OR4F3: variants seen among roughly 807,000 people sequenced by gnomAD.
The protein encoded by OR4F3 is olfactory receptor 4F3/4F16/4F29.
the OR4F3 span, among the ~76,000 whole-genome samples, chr5:181,356,777 A>C: frequency 2.2e-5 from 3 of 134,190 alleles, no homozygotes; most frequent in African/African-American, 8.8e-5. Flanking sequence ...TTGCAATTTT[A>C]CATTTGTGTG....
At chr5:181,354,563 G>T in the OR4F3 span, among the ~76,000 whole-genome samples, 2 of 126,988 alleles carry the variant, frequency 1.6e-5, no homozygotes, top group East Asian at 2.0e-4. Flanking sequence ...CCCCACTAGG[G>T]TACTGCCTAG....
At chr5:181,357,404 A>G in the OR4F3 span, among the ~76,000 whole-genome samples, 2 of 127,218 alleles carry the variant, frequency 1.6e-5, 1 homozygote, top group Non-Finnish European at 3.2e-5. Flanking sequence ...AGGCTTCAGA[A>G]TGCTCACTTG....
At chr5:181,361,263 A>T in the OR4F3 span, among the ~76,000 whole-genome samples, 2 of 78,152 alleles carry the variant, frequency 2.6e-5, no homozygotes, top group African/African-American at 1.7e-4. Context: ...GGAACTGTGT[A>T]GTCCCAGTTC....
the OR4F3 span, among the ~76,000 whole-genome samples, chr5:181,357,374 C>T: frequency 7.7e-6 from 1 of 130,180 alleles, no homozygotes; most frequent in African/African-American, 3.4e-5. Flanking sequence ...TAACCGCAAA[C>T]CCCAGAACAT....
At chr5:181,354,420 C>T in the OR4F3 span, among the ~76,000 whole-genome samples, 1 of 130,866 alleles carries the variant, frequency 7.6e-6, no homozygotes, top group South Asian at 2.5e-4. Context: ...GGAACCTCCA[C>T]CTAGATTTCA....
upstream of OR4F3, among the ~76,000 whole-genome samples, chr5:181,363,827 C>T (rs1409350457): frequency 1.1e-5 from 1 of 88,322 alleles, no homozygotes; most frequent in African/African-American, 8.1e-5. Context: ...TTCAAAGAAA[C>T]TCTGTGAGTC....
chr5:181,363,045 TGCTA>T (rs1761083894), upstream of OR4F3, among the ~76,000 whole-genome samples: 1 of 31,066 alleles, frequency 3.2e-5, no homozygotes, highest in Non-Finnish European at 5.6e-5. Context: ...AATTTTTCTC[TGCTA>T]GCTATTTTAG....
chr5:181,360,845 G>A, the OR4F3 span, among the ~76,000 whole-genome samples: 3 of 131,642 alleles, frequency 2.3e-5, 1 homozygote, highest in East Asian at 5.9e-4. Flanking sequence ...TTCTATAGTT[G>A]GGTCTTGGCT....
At chr5:181,358,296 TA>T in the OR4F3 span, among the ~76,000 whole-genome samples, 1 of 132,110 alleles carries the variant, frequency 7.6e-6, no homozygotes, top group African/African-American at 3.2e-5. Context: ...TTATTATAAA[TA>T]ATTATATAAT....
chr5:181,356,643 G>C, the OR4F3 span, among the ~76,000 whole-genome samples: 1 of 137,218 alleles, frequency 7.3e-6, no homozygotes, highest in East Asian at 2.0e-4. Flanking sequence ...TCTCCACTCA[G>C]TTAACTGCTG....
At chr5:181,362,552 A>C (rs1300300869), upstream of OR4F3, among the ~76,000 whole-genome samples, 1 of 123,102 alleles carries the variant, frequency 8.1e-6, no homozygotes, top group East Asian at 2.1e-4. Flanking sequence ...GGTGCTGGGA[A>C]ATATACTTAA....
At chr5:181,362,414 G>A (rs1205801885), upstream of OR4F3, among the ~76,000 whole-genome samples, 2 of 120,502 alleles carry the variant, frequency 1.7e-5, no homozygotes, top group African/African-American at 8.4e-5. Context: ...TGAAACTTAT[G>A]GCTTTAGATT....
At chr5:181,361,047 ATTATT>A in the OR4F3 span, among the ~76,000 whole-genome samples, 1 of 115,880 alleles carries the variant, frequency 8.6e-6, no homozygotes, top group Admixed American at 8.2e-5. Flanking sequence ...AATACACGTG[ATTATT>A]TTCTCCACCC....
the OR4F3 span, among the ~76,000 whole-genome samples, chr5:181,356,701 T>C: frequency 1.4e-5 from 2 of 138,444 alleles, no homozygotes; most frequent in African/African-American, 5.7e-5. Context: ...AGGGGAAACT[T>C]CTCTGACTCA....
At chr5:181,357,231 T>C in the OR4F3 span, among the ~76,000 whole-genome samples, 1 of 135,002 alleles carries the variant, frequency 7.4e-6, no homozygotes, top group South Asian at 2.4e-4. Context: ...CATAACATAA[T>C]TTGTTGATTC....
At chr5:181,358,389 C>T in the OR4F3 span, among the ~76,000 whole-genome samples, 3 of 131,662 alleles carry the variant, frequency 2.3e-5, 1 homozygote, top group African/African-American at 3.2e-5. Context: ...TGATGGAAGG[C>T]AGACGAGTTT....
chr5:181,354,387 C>T, the OR4F3 span, among the ~76,000 whole-genome samples: 50 of 130,146 alleles, frequency 3.8e-4, 6 homozygotes, highest in South Asian at 8.1e-3. Context: ...TGTGGATTCA[C>T]GGAAGTCCAG....
upstream of OR4F3, among the ~76,000 whole-genome samples, chr5:181,363,923 G>A (rs1204610070): frequency 5.2e-5 from 4 of 77,574 alleles, 1 homozygote; most frequent in Non-Finnish European, 9.1e-5. Context: ...CCCCAAATGA[G>A]TGTGTTAAAG....
At chr5:181,354,519 T>C in the OR4F3 span, among the ~76,000 whole-genome samples, 1 of 130,582 alleles carries the variant, frequency 7.7e-6, no homozygotes, top group East Asian at 2.0e-4. Flanking sequence ...CAGTGGGGAA[T>C]GGAAATGTGG....
Sources: gnomAD v4.1 joint callset for allele counts (sites outside exome capture counted in the v4.1 genomes callset) on GRCh38, gnomAD v4.1.1 for gene constraint, MANE v1.5 for transcripts, NCBI Gene and HGNC (gene_info 2026-07-23, HGNC 2026-07-21) for gene names.